The following RABGAP1L variants were observed in gnomAD, a reference collection of about 807,000 sequenced individuals.
RABGAP1L encodes rab GTPase-activating protein 1-like.
Under a neutral mutation model 137.7 loss-of-function variants are expected in RABGAP1L, and 63 were observed. The observed-to-expected ratio is 0.46, with a 90% CI of 0.37 to 0.56. RABGAP1L has a LOEUF of 0.56. RABGAP1L is among the 20% of genes least tolerant of loss of function. The pLI, the probability that RABGAP1L is intolerant of heterozygous loss-of-function variation, is 0.00. For missense variants in RABGAP1L, 1,095 were observed against 1,244.0 expected (o/e 0.88, Z 1.80); for synonymous variants, 431 against 433.7 (o/e 0.99, Z 0.08).
At chr1:174,228,637 T>A (rs1227290116) in intron 3 of RABGAP1L, among the ~76,000 whole-genome samples, 1 of 152,200 alleles carries the variant, frequency 6.6e-6, no homozygotes, top group South Asian at 2.1e-4. Flanking sequence ...AAGAACATGG[T>A]AGATGAAGTA....
At chr1:174,308,786 G>A (rs1382157590) in intron 11 of RABGAP1L, among the ~76,000 whole-genome samples, 1 of 151,926 alleles carries the variant, frequency 6.6e-6, no homozygotes, top group Non-Finnish European at 1.5e-5. Flanking sequence ...CATTGCACTA[G>A]ATTTTGAAGT....
intron 17 of RABGAP1L, among the ~76,000 whole-genome samples, chr1:174,746,798 G>A (rs1424709457): frequency 1.3e-5 from 2 of 152,196 alleles, no homozygotes; most frequent in Non-Finnish European, 2.9e-5. Flanking sequence ...ATTTCCTTGT[G>A]TATAAAATGG....
chr1:174,542,167 G>A (rs2147938979), intron 13 of RABGAP1L, among the ~76,000 whole-genome samples: 1 of 152,278 alleles, frequency 6.6e-6, no homozygotes, highest in Non-Finnish European at 1.5e-5. Flanking sequence ...CAGAAGGAAT[G>A]GTACCAGTTC....
intron 1 of RABGAP1L, among the ~76,000 whole-genome samples, chr1:174,182,747 T>G (rs1190076716): frequency 1.3e-5 from 2 of 151,994 alleles, no homozygotes; most frequent in Non-Finnish European, 2.9e-5. Context: ...GACTTTTACT[T>G]CCCCCCGTAA....
chr1:174,285,528 T>G (rs1033338266), intron 10 of RABGAP1L, among the ~76,000 whole-genome samples: 48 of 152,124 alleles, frequency 3.2e-4, no homozygotes, highest in African/African-American at 9.9e-4. Flanking sequence ...CCGTTTTTTT[T>G]TTTTTGGTGG....
At chr1:174,386,118 G>A (rs961788724) in intron 12 of RABGAP1L, among the ~76,000 whole-genome samples, 1 of 152,176 alleles carries the variant, frequency 6.6e-6, no homozygotes, top group African/African-American at 2.4e-5. Flanking sequence ...GAATTTGGGA[G>A]CAGAGATAGC....
At chr1:174,522,045 C>G (rs1329518445) in intron 13 of RABGAP1L, among the ~76,000 whole-genome samples, 1 of 150,798 alleles carries the variant, frequency 6.6e-6, no homozygotes, top group Non-Finnish European at 1.5e-5. Flanking sequence ...TGCCACTGCA[C>G]TACAGCTTGG....
intron 10 of RABGAP1L, among the ~76,000 whole-genome samples, chr1:174,289,496 A>G (rs766248529): frequency 4.6e-5 from 7 of 152,210 alleles, no homozygotes; most frequent in Non-Finnish European, 7.3e-5. Flanking sequence ...GTTTAGGGTC[A>G]GTTATTACAG....
chr1:174,849,756 A>G (rs1446306258), intron 19 of RABGAP1L: 3 of 496,958 alleles, frequency 6.0e-6, no homozygotes, highest in African/African-American at 2.0e-5. Flanking sequence ...TTCTTGGGCT[A>G]TTTTCTCAGC....
intron 13 of RABGAP1L, among the ~76,000 whole-genome samples, chr1:174,440,453 G>C (rs1653994435): frequency 6.6e-6 from 1 of 152,224 alleles, no homozygotes; most frequent in African/African-American, 2.4e-5. Context: ...TGAAGATGGA[G>C]AAAAGTTACC....
chr1:174,697,425 G>T (rs1679341773), intron 15 of RABGAP1L, among the ~76,000 whole-genome samples: 1 of 151,924 alleles, frequency 6.6e-6, no homozygotes, highest in African/African-American at 2.4e-5. Context: ...AGGTCAAGCA[G>T]TTCTCCTGCC....
chr1:174,406,498 A>G (rs368892275), intron 13 of RABGAP1L, among the ~76,000 whole-genome samples: 4 of 152,180 alleles, frequency 2.6e-5, no homozygotes, highest in African/African-American at 4.8e-5. Context: ...CATGGCTTAC[A>G]TGGTTTACTT....
rs572730944 is a variant in RABGAP1L, at chr1:174,345,464, T to G, written c.1466-25515T>G. Among the ~76,000 whole-genome samples the G allele has an allele frequency of 1.4e-4, 21 of 152,326 alleles. No individual in the cohort carries two copies. In the South Asian group the frequency reaches 4.3e-3, roughly 32 times the overall value. ...TTTTTGGTGTCCTCTTTGATTTCTT[T>G]CATCAGTATTTTATAGTTTTCATTA... On this transcript the variant is annotated intron_variant, in intron 11 of 25. Transcript: ENST00000681986.
chr1:174,822,426 G>T (rs569938076), intron 19 of RABGAP1L, among the ~76,000 whole-genome samples: 1 of 152,336 alleles, frequency 6.6e-6, no homozygotes, highest in East Asian at 1.9e-4. Flanking sequence ...TGTTGGACAT[G>T]TTCTGAAACA....
intron 19 of RABGAP1L, among the ~76,000 whole-genome samples, chr1:174,881,492 C>CTTTTT (rs751296977): frequency 3.5e-4 from 30 of 85,828 alleles, no homozygotes; most frequent in East Asian, 7.3e-4. Flanking sequence ...ATATCATTTG[C>CTTTTT]TTTTTTTTTT....
At chr1:174,905,947 G>A (rs1393808675) in intron 19 of RABGAP1L, among the ~76,000 whole-genome samples, 1 of 152,066 alleles carries the variant, frequency 6.6e-6, no homozygotes, top group African/African-American at 2.4e-5. Flanking sequence ...ATAGAAAATT[G>A]CCTCAAAAGA....
chr1:174,957,723 C>CTT (rs34143059), intron 20 of RABGAP1L, 174 bp downstream of exon 20: 12,235 of 496,002 alleles, frequency 0.025, 22 homozygotes, highest in South Asian at 0.046. Context: ...AGCAAAGTAC[C>CTT]TTTTTTTTTT....
intron 19 of RABGAP1L, among the ~76,000 whole-genome samples, chr1:174,871,309 C>G (rs930669601): frequency 5.3e-5 from 8 of 151,658 alleles, no homozygotes; most frequent in Admixed American, 4.6e-4. Flanking sequence ...AATTTTTATA[C>G]TTTTAGTAGG....
At chr1:174,873,245 A>G (rs1652488070) in intron 19 of RABGAP1L, among the ~76,000 whole-genome samples, 1 of 151,490 alleles carries the variant, frequency 6.6e-6, no homozygotes, top group African/African-American at 2.4e-5. Context: ...ATTTTTTTGT[A>G]TTTTTATTAG....
Sources: allele counts gnomAD v4.1 joint callset (sites outside exome capture counted in the v4.1 genomes callset), GRCh38; gene constraint gnomAD v4.1.1; transcripts MANE v1.5; gene names NCBI Gene and HGNC (gene_info 2026-07-23, HGNC 2026-07-21).